LRRC4C: variants seen among roughly 807,000 people sequenced by gnomAD.
The protein encoded by LRRC4C is leucine-rich repeat-containing protein 4C.
Under a neutral mutation model 33.6 loss-of-function variants are expected in LRRC4C, and 5 were observed. That is an observed-to-expected ratio of 0.15 (90% CI 0.08 to 0.31). LRRC4C has a LOEUF of 0.31. LRRC4C is among the 10% of genes least tolerant of loss of function. LRRC4C has a pLI of 1.00. For missense variants in LRRC4C, 560 were observed against 796.7 expected (o/e 0.70, Z 3.58); for synonymous variants, 329 against 302.0 (o/e 1.09, Z -0.93).
intron 1 of LRRC4C, among the ~76,000 whole-genome samples, chr11:41,154,304 G>C (rs1227506791): frequency 6.6e-6 from 1 of 152,096 alleles, no homozygotes; most frequent in Non-Finnish European, 1.5e-5. Flanking sequence ...TTCTTATCCT[G>C]TCTTTCTTTA....
intron 2 of LRRC4C, among the ~76,000 whole-genome samples, chr11:40,797,092 A>C (rs547229994): frequency 3.3e-5 from 5 of 152,212 alleles, no homozygotes; most frequent in Non-Finnish European, 7.3e-5. Flanking sequence ...ATGAGAATTT[A>C]AACAATAGTA....
At chr11:40,796,493 A>G (rs983701307) in intron 2 of LRRC4C, among the ~76,000 whole-genome samples, 4 of 152,158 alleles carry the variant, frequency 2.6e-5, no homozygotes, top group Non-Finnish European at 5.9e-5. Flanking sequence ...GCTTGATGGC[A>G]TTAATAAGTC....
At chr11:40,717,033 C>T (rs1054532066) in intron 2 of LRRC4C, among the ~76,000 whole-genome samples, 1 of 152,070 alleles carries the variant, frequency 6.6e-6, no homozygotes, top group Non-Finnish European at 1.5e-5. Context: ...TTGTTCTCAC[C>T]CTGGAAGATT....
intron 3 of LRRC4C, among the ~76,000 whole-genome samples, chr11:40,364,447 T>C (rs1024041302): frequency 2.6e-5 from 4 of 152,226 alleles, no homozygotes; most frequent in South Asian, 2.1e-4. Context: ...AGATGAAAGA[T>C]ATAATGGATA....
intron 1 of LRRC4C, among the ~76,000 whole-genome samples, chr11:41,129,078 T>C (rs1249811261): frequency 1.3e-5 from 2 of 152,024 alleles, no homozygotes; most frequent in Non-Finnish European, 2.9e-5. Context: ...TGGGGGACCA[T>C]TCTCTTTTAA....
chr11:41,407,181 T>C lies in LRRC4C; in HGVS notation c.-496+52250A>G, dbSNP rs77511593. 2.3e-3 allele frequency among the ~76,000 whole-genome samples: 350 copies of C among 152,266 alleles called. 7 individuals carry two copies. In the East Asian group the frequency reaches 0.057, roughly 25 times the overall value. ...AGAGCTAGGTACTCTTATTGCTATTTGACTAACAAGGAAACTGAAGCTCAG... is the reference window on the plus strand; with the variant it reads ...AGAGCTAGGTACTCTTATTGCTATTCGACTAACAAGGAAACTGAAGCTCAG... On this transcript the variant is annotated intron_variant, in intron 1 of 6. Coordinates refer to ENST00000528697, the MANE Select transcript of LRRC4C (RefSeq NM_001258419.2).
At chr11:40,905,945 C>G (rs1956395426) in intron 2 of LRRC4C, among the ~76,000 whole-genome samples, 1 of 152,188 alleles carries the variant, frequency 6.6e-6, no homozygotes, top group African/African-American at 2.4e-5. Flanking sequence ...TTCTATCAAA[C>G]AGCATTGCAT....
At chr11:40,972,741 TG>T (rs1565258302) in intron 1 of LRRC4C, among the ~76,000 whole-genome samples, 1 of 152,062 alleles carries the variant, frequency 6.6e-6, no homozygotes, top group Non-Finnish European at 1.5e-5. Flanking sequence ...GAGAACAACA[TG>T]GGGGGACTGC....
At chr11:41,101,306 CA>C (rs1327701493) in intron 1 of LRRC4C, among the ~76,000 whole-genome samples, 5 of 151,384 alleles carry the variant, frequency 3.3e-5, no homozygotes, top group Admixed American at 2.6e-4. Flanking sequence ...GTTAAATTTA[CA>C]AGAAAAAAAA....
intron 1 of LRRC4C, among the ~76,000 whole-genome samples, chr11:41,026,998 A>G (rs1314415949): frequency 1.3e-5 from 2 of 151,588 alleles, no homozygotes; most frequent in Non-Finnish European, 3.0e-5. Flanking sequence ...TTTTCTCTTG[A>G]TAGTCAGAAT....
intron 3 of LRRC4C, among the ~76,000 whole-genome samples, chr11:40,583,589 C>A (rs763610618): frequency 7.2e-5 from 11 of 152,024 alleles, no homozygotes; most frequent in Non-Finnish European, 4.4e-5. Flanking sequence ...TCAGACTTAC[C>A]CCAACTCAAT....
intron 1 of LRRC4C, among the ~76,000 whole-genome samples, chr11:41,442,933 T>TGA (rs1297670387): frequency 2.0e-5 from 3 of 152,136 alleles, no homozygotes; most frequent in Non-Finnish European, 4.4e-5. Flanking sequence ...AAAATGCTTT[T>TGA]GAGGCATGTA....
intron 5 of LRRC4C, among the ~76,000 whole-genome samples, chr11:40,194,916 G>A (rs1369761923): frequency 2.0e-5 from 2 of 101,994 alleles, no homozygotes; most frequent in African/African-American, 6.3e-5. Context: ...GTGGAACCCC[G>A]TTTCTACTTA....
intron 3 of LRRC4C, among the ~76,000 whole-genome samples, chr11:40,475,882 C>T (rs539329034): frequency 1.3e-5 from 2 of 152,220 alleles, no homozygotes; most frequent in East Asian, 3.9e-4. Flanking sequence ...TTTACTCTAC[C>T]TTTGCTACTT....
chr11:40,956,532 A>G (rs755810554), intron 1 of LRRC4C, among the ~76,000 whole-genome samples: 2 of 151,792 alleles, frequency 1.3e-5, no homozygotes, highest in African/African-American at 4.8e-5. Context: ...TCTCATCTGT[A>G]TAATGGGGAT....
intron 3 of LRRC4C, among the ~76,000 whole-genome samples, chr11:40,383,031 T>A (rs1948954509): frequency 6.6e-6 from 1 of 152,092 alleles, no homozygotes; most frequent in Non-Finnish European, 1.5e-5. Flanking sequence ...CATTTCTCTC[T>A]CTCCATAGAC....
At chr11:40,441,341 TG>T (rs1390441639) in intron 3 of LRRC4C, among the ~76,000 whole-genome samples, 1 of 152,218 alleles carries the variant, frequency 6.6e-6, no homozygotes, top group Non-Finnish European at 1.5e-5. Context: ...CATATACTGC[TG>T]GAGATTAAAA....
At chr11:40,808,225 CATT>C (rs561403797) in intron 2 of LRRC4C, among the ~76,000 whole-genome samples, 128 of 151,752 alleles carry the variant, frequency 8.4e-4, no homozygotes, top group Non-Finnish European at 1.6e-3. Context: ...TTACTGTTTC[CATT>C]ATTATGACTA....
intron 1 of LRRC4C, among the ~76,000 whole-genome samples, chr11:41,454,196 C>T (rs188446668): frequency 6.6e-6 from 1 of 152,250 alleles, no homozygotes; most frequent in African/African-American, 2.4e-5. Context: ...GGACTCATCA[C>T]TGACAGCTCA....
Sources: allele counts gnomAD v4.1 joint callset (sites outside exome capture counted in the v4.1 genomes callset), GRCh38; gene constraint gnomAD v4.1.1; transcripts MANE v1.5; gene names NCBI Gene and HGNC (gene_info 2026-07-23, HGNC 2026-07-21).